The following HS3ST3A1 variants were observed in gnomAD, a reference collection of about 807,000 sequenced individuals.
The protein encoded by HS3ST3A1 is heparan sulfate-glucosamine 3-sulfotransferase 3A1.
A neutral mutation model predicts 25.7 loss-of-function variants in HS3ST3A1; 19 were observed. That is an observed-to-expected ratio of 0.74 (90% CI 0.52 to 1.08). HS3ST3A1 has a LOEUF of 1.08. Ranked by LOEUF, HS3ST3A1 falls within the 50% of genes least tolerant of loss-of-function variation. HS3ST3A1 has a pLI of 0.00. For synonymous variants in HS3ST3A1, 226 were observed against 278.6 expected, an observed-to-expected ratio of 0.81 and a Z score of 1.88; for missense variants, 459 against 594.3, an observed-to-expected ratio of 0.77 and a Z score of 2.37.
chr17:13,528,497 C>T (rs149357239), intron 1 of HS3ST3A1, among the ~76,000 whole-genome samples: 67 of 152,288 alleles, frequency 4.4e-4, no homozygotes, highest in African/African-American at 1.4e-3. Flanking sequence ...CTGTGCTGAG[C>T]GATCTTTGCT....
rs535157068 is a variant in HS3ST3A1 at position 13,524,550 on chromosome 17, C to G, written c.600-27732G>C. Among the ~76,000 whole-genome samples, 75 of 152,254 alleles carry G rather than the reference C, an allele frequency of 4.9e-4. 1 individual carries two copies. Among genetic ancestry groups the G allele is most frequent in the African/African-American group, 1.8e-3 (73 of 41,568 alleles). On this transcript the variant is annotated intron_variant, in intron 1 of 1. Coordinates refer to ENST00000284110, the MANE Select transcript of HS3ST3A1 (RefSeq NM_006042.3). ...TGTGCGCCATTGAGCCCGGCTTAAG[C>G]ATATTTTTGATATTTCTATATTTAT...
At chr17:13,582,135 T>C (rs1309302062) in intron 1 of HS3ST3A1, among the ~76,000 whole-genome samples, 2 of 152,046 alleles carry the variant, frequency 1.3e-5, no homozygotes, top group Non-Finnish European at 2.9e-5. Context: ...ATGGATGTTA[T>C]AAAAGGGGAA....
intron 1 of HS3ST3A1, among the ~76,000 whole-genome samples, chr17:13,505,893 G>A (rs569051283): frequency 2.0e-5 from 3 of 151,834 alleles, no homozygotes; most frequent in Non-Finnish European, 2.9e-5. Flanking sequence ...GTGTGGTGGC[G>A]CGTGCCTGTA....
intron 1 of HS3ST3A1, among the ~76,000 whole-genome samples, chr17:13,578,539 G>A (rs1163952857): frequency 6.7e-6 from 1 of 149,102 alleles, no homozygotes; most frequent in African/African-American, 2.5e-5. Context: ...CTCCAGCCCG[G>A]GTGACAGAGC....
At chr17:13,548,625 T>C (rs959652077) in intron 1 of HS3ST3A1, among the ~76,000 whole-genome samples, 1 of 152,174 alleles carries the variant, frequency 6.6e-6, no homozygotes, top group African/African-American at 2.4e-5. Context: ...TGAAGCTGAC[T>C]GGGCTTCTGG....
chr17:13,537,971 A>T (rs1180942144), intron 1 of HS3ST3A1, among the ~76,000 whole-genome samples: 6 of 152,214 alleles, frequency 3.9e-5, no homozygotes, highest in Non-Finnish European at 1.5e-5. Context: ...ACATTATTGG[A>T]TTTAACGGAC....
intron 1 of HS3ST3A1, among the ~76,000 whole-genome samples, chr17:13,599,346 T>A (rs1387187846): frequency 6.6e-6 from 1 of 152,210 alleles, no homozygotes; most frequent in Non-Finnish European, 1.5e-5. Context: ...TAAATTCGGC[T>A]CCTGAAATCA....
chr17:13,530,757 A>C (rs868197807), intron 1 of HS3ST3A1, among the ~76,000 whole-genome samples: 1 of 152,302 alleles, frequency 6.6e-6, no homozygotes, highest in Middle Eastern at 3.4e-3. Flanking sequence ...AGTCAATACA[A>C]GTATAAGCAA....
chr17:13,587,207 G>C (rs1007546327), intron 1 of HS3ST3A1, among the ~76,000 whole-genome samples: 4 of 151,800 alleles, frequency 2.6e-5, no homozygotes, highest in Non-Finnish European at 5.9e-5. Flanking sequence ...TGTAATCCCA[G>C]CACTTTGGGA....
intron 1 of HS3ST3A1, among the ~76,000 whole-genome samples, chr17:13,593,252 A>AAAAAAAAAAAAAG (rs1567632567): frequency 4.0e-5 from 6 of 151,058 alleles, no homozygotes; most frequent in African/African-American, 1.5e-4. Flanking sequence ...AAAAAAAAAA[A>AAAAAAAAAAAAAG]AGTCATACGC....
intron 1 of HS3ST3A1, among the ~76,000 whole-genome samples, chr17:13,532,920 C>T (rs1906652329): frequency 6.6e-6 from 1 of 151,282 alleles, no homozygotes; most frequent in East Asian, 2.0e-4. Context: ...CACACACACA[C>T]ACACACATGC....
At chr17:13,535,020 C>T (rs1369603695) in intron 1 of HS3ST3A1, among the ~76,000 whole-genome samples, 2 of 121,208 alleles carry the variant, frequency 1.7e-5, no homozygotes, top group East Asian at 2.1e-4. Context: ...GAGCAAAACT[C>T]CATCTCAAAA....
chr17:13,573,716 C>T (rs969922215), intron 1 of HS3ST3A1, among the ~76,000 whole-genome samples: 1 of 152,110 alleles, frequency 6.6e-6, no homozygotes, highest in East Asian at 1.9e-4. Context: ...AATGTTTGTA[C>T]CCCTCCCCCA....
chr17:13,525,938 A>G (rs1598414202), intron 1 of HS3ST3A1, among the ~76,000 whole-genome samples: 1 of 152,094 alleles, frequency 6.6e-6, no homozygotes, highest in East Asian at 1.9e-4. Flanking sequence ...AGGCAGGGAG[A>G]CAGCACAGGA....
At chr17:13,534,547 CAAAAAAAAAAA>C (rs34383911) in intron 1 of HS3ST3A1, among the ~76,000 whole-genome samples, 17 of 32,828 alleles carry the variant, frequency 5.2e-4, no homozygotes, top group East Asian at 2.8e-3. Context: ...CTACAAAATC[CAAAAAAAAAAA>C]AAAAAAAAAA....
intron 1 of HS3ST3A1, among the ~76,000 whole-genome samples, chr17:13,552,973 T>C (rs1907282894): frequency 6.6e-6 from 1 of 152,184 alleles, no homozygotes; most frequent in African/African-American, 2.4e-5. Flanking sequence ...CCTAGAAAAG[T>C]TGCCTGTAGT....
intron 1 of HS3ST3A1, among the ~76,000 whole-genome samples, chr17:13,591,048 C>CTTTTTT (rs552742240): frequency 7.3e-6 from 1 of 136,666 alleles, no homozygotes; most frequent in Non-Finnish European, 1.6e-5. Context: ...TTTTTCTTTT[C>CTTTTTT]TTTTTTTTTT....
intron 1 of HS3ST3A1, among the ~76,000 whole-genome samples, chr17:13,554,695 T>G (rs990371586): frequency 6.6e-6 from 1 of 152,182 alleles, no homozygotes; most frequent in Non-Finnish European, 1.5e-5. Flanking sequence ...GAAAGAGAGA[T>G]AAAGCAAAGG....
chr17:13,579,701 CAAAAAAAAA>C (rs543748713), intron 1 of HS3ST3A1, among the ~76,000 whole-genome samples: 2 of 23,656 alleles, frequency 8.5e-5, no homozygotes, highest in Non-Finnish European at 1.6e-4. Context: ...ACTCCATCTC[CAAAAAAAAA>C]AAAAAAAAAA....
Sources: gnomAD v4.1 joint callset for allele counts (sites outside exome capture counted in the v4.1 genomes callset) on GRCh38, gnomAD v4.1.1 for gene constraint, MANE v1.5 for transcripts, NCBI Gene and HGNC (gene_info 2026-07-23, HGNC 2026-07-21) for gene names.